PKHD1: variants seen among roughly 807,000 people sequenced by gnomAD.
The protein encoded by PKHD1 is fibrocystin.
PKHD1 carries 291 observed loss-of-function variants against 412.0 expected under a neutral mutation model. The ratio of observed to expected loss-of-function variants is 0.71; its 90% confidence interval spans 0.64 to 0.78. The LOEUF (loss-of-function observed/expected upper bound fraction) is 0.78. PKHD1 is among the 30% of genes least tolerant of loss of function. PKHD1 has a pLI of 0.00. For missense variants in PKHD1, 4,825 were observed against 4,950.7 expected, an observed-to-expected ratio of 0.97 and a Z score of 0.76; for synonymous variants, 1,777 against 1,821.5, an observed-to-expected ratio of 0.98 and a Z score of 0.62.
At position 51,854,481 on chromosome 6, in the gene PKHD1, A is replaced by C. The variant is rs544697065; in HGVS notation, c.7911+1412T>G. Reference sequence around the variant, plus strand: ...GAGAGGGTGTGTTTCACTGGGGGGAAACCCACTCGTCTGGGCTGCCGGGAT... The same window carrying C: ...GAGAGGGTGTGTTTCACTGGGGGGACACCCACTCGTCTGGGCTGCCGGGAT... On this transcript the variant is annotated intron_variant, in intron 49 of 66. Coordinates refer to ENST00000371117, the MANE Select transcript of PKHD1 (RefSeq NM_138694.4). Among the ~76,000 whole-genome samples, 3 of 152,202 alleles carry C rather than the reference A, an allele frequency of 2.0e-5. No homozygotes were observed. The South Asian group carries it at 6.2e-4, about 32-fold the overall frequency.
intron 51 of PKHD1, among the ~76,000 whole-genome samples, chr6:51,831,886 G>A (rs188373016): frequency 3.4e-4 from 51 of 152,210 alleles, no homozygotes; most frequent in Non-Finnish European, 6.8e-4. Context: ...AGCACATCAC[G>A]CACAACACCA....
chr6:51,981,501 TGGAGAC>T (rs1185556077), intron 35 of PKHD1, among the ~76,000 whole-genome samples: 13 of 151,458 alleles, frequency 8.6e-5, no homozygotes, highest in African/African-American at 2.7e-4. Context: ...TTTTTTTTGG[TGGAGAC>T]GGGGTTTTGC....
At chr6:51,743,080 C>A in intron 60 of PKHD1, among the ~76,000 whole-genome samples, 1 of 152,026 alleles carries the variant, frequency 6.6e-6, no homozygotes, top group Non-Finnish European at 1.5e-5. Context: ...GGGCAGGAAC[C>A]AGGGGCTACA....
intron 60 of PKHD1, among the ~76,000 whole-genome samples, chr6:51,676,225 T>A (rs968225967): frequency 1.2e-4 from 13 of 105,704 alleles, no homozygotes; most frequent in African/African-American, 3.8e-4. Flanking sequence ...TCGTCTTTGC[T>A]AGAAAAAAAA....
At chr6:51,827,637 C>T (rs1767539452) in intron 52 of PKHD1, among the ~76,000 whole-genome samples, 1 of 152,114 alleles carries the variant, frequency 6.6e-6, no homozygotes, top group South Asian at 2.1e-4. Flanking sequence ...CACCTTTACC[C>T]TAGAGACACT....
chr6:51,889,932 T>G (rs570192710), intron 43 of PKHD1, among the ~76,000 whole-genome samples: 269 of 152,064 alleles, frequency 1.8e-3, no homozygotes, highest in Middle Eastern at 6.8e-3. Flanking sequence ...AGGGGGAGAA[T>G]CCATTGCCAG....
chr6:51,874,290 A>G (rs1212045232), intron 46 of PKHD1, among the ~76,000 whole-genome samples: 2 of 151,568 alleles, frequency 1.3e-5, no homozygotes, highest in Non-Finnish European at 2.9e-5. Context: ...CATTTTTTTT[A>G]GTGTGAAAGG....
intron 60 of PKHD1, among the ~76,000 whole-genome samples, chr6:51,663,395 ATAAT>A (rs945334523): frequency 1.3e-5 from 2 of 152,132 alleles, no homozygotes; most frequent in Non-Finnish European, 2.9e-5. Context: ...TTATAAATAA[ATAAT>A]TAAACAAAAA....
chr6:51,923,708 C>T lies in PKHD1; in HGVS notation c.6121+10402G>A, dbSNP rs139085333. On this transcript the variant is annotated intron_variant, in intron 37 of 66. Coordinates refer to ENST00000371117, the MANE Select transcript of PKHD1 (RefSeq NM_138694.4). ...AAGATAAATAACGTGTGAAAGAAAC[C>T]GGTTCTTTGTACCTCTATCAAGAAT... 4.5e-4 allele frequency among the ~76,000 whole-genome samples: 69 copies of T among 152,208 alleles called. No individual in the cohort carries two copies. In the East Asian group the frequency reaches 7.7e-3, roughly 17 times the overall value.
intron 49 of PKHD1, among the ~76,000 whole-genome samples, chr6:51,850,919 C>T (rs76234721): frequency 6.6e-6 from 1 of 152,306 alleles, no homozygotes; most frequent in East Asian, 1.9e-4. Context: ...CCGGCCAGAA[C>T]TTCCAATACT....
intron 60 of PKHD1, among the ~76,000 whole-genome samples, chr6:51,712,583 ATTTG>A (rs1780785998): frequency 6.6e-6 from 1 of 152,160 alleles, no homozygotes; most frequent in Admixed American, 6.5e-5. Context: ...CAGATATACC[ATTTG>A]TTTTATTTTG....
intron 32 of PKHD1, 55 bp from the exon 33 acceptor site, chr6:52,022,999 C>T (rs778686276): frequency 3.4e-5 from 54 of 1,603,462 alleles, no homozygotes; most frequent in African/African-American, 1.5e-4. Context: ...CCCTTCTTTA[C>T]TCAACTCAAA....
rs552511528 is a variant in PKHD1, at chr6:52,056,687, A to G, written c.1693+11T>C. Reference sequence around the variant, plus strand: ...TGAAAAAGACAATCAGAATGAAGCCACGGACAGCACCTCGTTCAAATCCAA... The same window carrying G: ...TGAAAAAGACAATCAGAATGAAGCCGCGGACAGCACCTCGTTCAAATCCAA... On this transcript the variant is annotated intron_variant, in intron 18 of 66. Coordinates refer to ENST00000371117, the MANE Select transcript of PKHD1 (RefSeq NM_138694.4). The G allele has an allele frequency of 1.9e-6, 3 of 1,597,250 alleles. No homozygotes were observed. Among genetic ancestry groups the G allele is most frequent in the South Asian group, 2.2e-5 (2 of 90,768 alleles).
Position 51,667,920 on chromosome 6 carries a change from G to C in PKHD1, c.10157-7951C>G, listed in dbSNP as rs367847314. Among the ~76,000 whole-genome samples the C allele has an allele frequency of 2.5e-4, 38 of 152,068 alleles. No individual in the cohort carries two copies. In the South Asian group the frequency reaches 4.4e-3, roughly 17 times the overall value. ...ATTGATCTATATCTCTGTTTTGGTA[G>C]CAGTACCATGCTGTTTTGGTTACTG... On this transcript the variant is annotated intron_variant, in intron 60 of 66. Coordinates refer to ENST00000371117, the MANE Select transcript of PKHD1 (RefSeq NM_138694.4).
intron 60 of PKHD1, 147 bp from the exon 61 acceptor site, chr6:51,660,116 GATTGCGGCAAAAT>G (rs1772599399): frequency 5.6e-6 from 3 of 536,410 alleles, no homozygotes; most frequent in Admixed American, 3.4e-5. Context: ...GTGCAAGGAA[GATTGCGGCAAAAT>G]ATTTTTAAAA....
At chr6:51,621,704 A>T (rs1011757101) in intron 66 of PKHD1, 2 of 152,238 alleles carry the variant, frequency 1.3e-5, no homozygotes, top group Non-Finnish European at 2.9e-5. Flanking sequence ...CACTGTGTAA[A>T]GGTGCCCAGA....
chr6:51,938,452 G>C (rs1027540916), intron 36 of PKHD1, among the ~76,000 whole-genome samples: 2 of 151,126 alleles, frequency 1.3e-5, no homozygotes, highest in Non-Finnish European at 3.0e-5. Context: ...CCTTCTCCTG[G>C]CTCATCCTGG....
chr6:51,631,571 TAA>T (rs1235985251), intron 65 of PKHD1, among the ~76,000 whole-genome samples: 1 of 152,156 alleles, frequency 6.6e-6, no homozygotes, highest in African/African-American at 2.4e-5. Context: ...TCTCCTCTTT[TAA>T]ACTTCACTCT....
chr6:52,049,454 T>C (rs1395921622), intron 22 of PKHD1, among the ~76,000 whole-genome samples: 2 of 152,224 alleles, frequency 1.3e-5, no homozygotes, highest in Non-Finnish European at 2.9e-5. Flanking sequence ...TATACACATA[T>C]ATACACTGTG....
Sources: gnomAD v4.1 joint callset for allele counts (sites outside exome capture counted in the v4.1 genomes callset) on GRCh38, gnomAD v4.1.1 for gene constraint, MANE v1.5 for transcripts, NCBI Gene and HGNC (gene_info 2026-07-23, HGNC 2026-07-21) for gene names.